MYO3B: variants seen among roughly 807,000 people sequenced by gnomAD.
MYO3B encodes the protein myosin IIIB.
Under a neutral mutation model 174.6 loss-of-function variants are expected in MYO3B, and 156 were observed. The observed-to-expected ratio is 0.89, with a 90% CI of 0.78 to 1.02. The LOEUF (loss-of-function observed/expected upper bound fraction) is 1.02. Ranked by LOEUF, MYO3B falls within the 50% of genes least tolerant of loss-of-function variation. The pLI is 0.00. For synonymous variants in MYO3B, 563 were observed against 569.1 expected (o/e 0.99, Z 0.15); for missense variants, 1,632 against 1,639.4 (o/e 1.00, Z 0.08).
intron 25 of MYO3B, among the ~76,000 whole-genome samples, chr2:170,476,349 A>G (rs1171661930): frequency 6.6e-6 from 1 of 152,194 alleles, no homozygotes; most frequent in South Asian, 2.1e-4. Context: ...GCCTTTTCCC[A>G]AGGGTAGTGG....
chr2:170,620,759 C>A (rs1695844429), intron 32 of MYO3B, among the ~76,000 whole-genome samples: 1 of 152,246 alleles, frequency 6.6e-6, no homozygotes, highest in Admixed American at 6.5e-5. Flanking sequence ...TCGTAACAGG[C>A]TGCAGCAAGG....
chr2:170,421,472 C>G (rs1409001206), intron 22 of MYO3B, among the ~76,000 whole-genome samples: 1 of 152,192 alleles, frequency 6.6e-6, no homozygotes, highest in Non-Finnish European at 1.5e-5. Context: ...CCACGTACTC[C>G]CTTCACATTA....
At chr2:170,542,242 A>G (rs1690161763) in intron 30 of MYO3B, among the ~76,000 whole-genome samples, 1 of 152,208 alleles carries the variant, frequency 6.6e-6, no homozygotes, top group African/African-American at 2.4e-5. Flanking sequence ...TCTGTGTGTT[A>G]TAAGTACACT....
At chr2:170,587,343 A>G (rs1199801555) in intron 32 of MYO3B, among the ~76,000 whole-genome samples, 13 of 152,294 alleles carry the variant, frequency 8.5e-5, no homozygotes, top group East Asian at 5.8e-4. Flanking sequence ...GCTTGATTTA[A>G]TCTCATGTTG....
At chr2:170,299,132 G>A (rs912529434) in intron 7 of MYO3B, among the ~76,000 whole-genome samples, 19 of 152,214 alleles carry the variant, frequency 1.2e-4, no homozygotes, top group African/African-American at 4.3e-4. Flanking sequence ...TATTTCTTAT[G>A]CTTTGGAACA....
At chr2:170,570,773 A>AT (rs58728854) in intron 32 of MYO3B, among the ~76,000 whole-genome samples, 61,607 of 151,178 alleles carry the variant, frequency 0.41, 12,944 homozygotes, top group Non-Finnish European at 0.46. Flanking sequence ...TCTTTATTTG[A>AT]TTTTTTTTTA....
intron 7 of MYO3B, among the ~76,000 whole-genome samples, chr2:170,325,564 C>T (rs534014155): frequency 7.9e-5 from 12 of 152,184 alleles, no homozygotes; most frequent in African/African-American, 2.6e-4. Flanking sequence ...GTGTGGTTTC[C>T]GTCTTTTGAT....
intron 22 of MYO3B, among the ~76,000 whole-genome samples, chr2:170,431,651 C>A (rs896015813): frequency 6.6e-6 from 1 of 152,148 alleles, no homozygotes; most frequent in Non-Finnish European, 1.5e-5. Flanking sequence ...AAAGTCAATA[C>A]AGTAATAGGG....
intron 23 of MYO3B, among the ~76,000 whole-genome samples, chr2:170,463,008 T>C (rs1029635969): frequency 1.3e-5 from 2 of 152,236 alleles, no homozygotes; most frequent in African/African-American, 2.4e-5. Flanking sequence ...CACGTCTTTA[T>C]AATCATTTCG....
At chr2:170,412,234 G>A (rs1220146146) in intron 22 of MYO3B, 2 of 152,138 alleles carry the variant, frequency 1.3e-5, no homozygotes, top group Non-Finnish European at 2.9e-5. Context: ...AAAGGCTCAG[G>A]GGAAGAAAGA....
intron 25 of MYO3B, among the ~76,000 whole-genome samples, chr2:170,471,933 G>A (rs1684999235): frequency 6.6e-6 from 1 of 151,722 alleles, no homozygotes; most frequent in Non-Finnish European, 1.5e-5. Flanking sequence ...AGAGGTTGTG[G>A]TGAGCCGAGA....
chr2:170,304,203 A>G (rs761797950), intron 7 of MYO3B, among the ~76,000 whole-genome samples: 16 of 152,176 alleles, frequency 1.1e-4, no homozygotes, highest in Non-Finnish European at 2.1e-4. Flanking sequence ...ACATATTGCC[A>G]AGTTATTCTA....
intron 9 of MYO3B, among the ~76,000 whole-genome samples, chr2:170,373,716 A>G (rs1287893896): frequency 6.6e-6 from 1 of 152,050 alleles, no homozygotes; most frequent in East Asian, 1.9e-4. Context: ...AGGGAGGTTG[A>G]CTTTAGAAAG....
intron 17 of MYO3B, 123 bp downstream of exon 17, chr2:170,400,437 A>G (rs1409337705): frequency 1.7e-6 from 2 of 1,188,920 alleles, no homozygotes; most frequent in Non-Finnish European, 2.3e-6. Flanking sequence ...ATGGAGTCTC[A>G]CTCTGTCATC....
At chr2:170,384,061 G>T (rs2094355937) in intron 12 of MYO3B, 1 of 405,736 alleles carries the variant, frequency 2.5e-6, no homozygotes, top group Non-Finnish European at 4.5e-6. Context: ...TCTCTGATAA[G>T]ATATAATAAA....
At chr2:170,505,168 C>T (rs1200839543) in intron 28 of MYO3B, among the ~76,000 whole-genome samples, 2 of 151,654 alleles carry the variant, frequency 1.3e-5, no homozygotes, top group African/African-American at 4.9e-5. Context: ...CAATAAAGGG[C>T]CTTTATGAGA....
chr2:170,403,720 A>C (rs2094493226), intron 19 of MYO3B, among the ~76,000 whole-genome samples: 1 of 152,232 alleles, frequency 6.6e-6, no homozygotes, highest in Non-Finnish European at 1.5e-5. Context: ...TGAGATAGAC[A>C]CAAAGACATT....
At chr2:170,455,886 T>C (rs1316033387) in intron 23 of MYO3B, among the ~76,000 whole-genome samples, 1 of 152,202 alleles carries the variant, frequency 6.6e-6, no homozygotes, top group African/African-American at 2.4e-5. Flanking sequence ...AGGAGGAAAG[T>C]ATACTGGGTT....
intron 6 of MYO3B, among the ~76,000 whole-genome samples, chr2:170,226,345 C>T (rs1387639897): frequency 2.6e-5 from 4 of 152,194 alleles, no homozygotes; most frequent in Non-Finnish European, 5.9e-5. Flanking sequence ...TTGCCTGGTT[C>T]ACCCCAGGCA....
Sources: allele counts gnomAD v4.1 joint callset (sites outside exome capture counted in the v4.1 genomes callset), GRCh38; gene constraint gnomAD v4.1.1; transcripts MANE v1.5; gene names NCBI Gene and HGNC (gene_info 2026-07-23, HGNC 2026-07-21).